Variants in PIK3C2A observed in about 807,000 individuals in gnomAD.
PIK3C2A encodes phosphatidylinositol 4-phosphate 3-kinase C2 domain-containing subunit alpha.
A neutral mutation model predicts 204.5 loss-of-function variants in PIK3C2A; 97 were observed. The ratio of observed to expected loss-of-function variants is 0.47; its 90% CI spans 0.40 to 0.56. PIK3C2A has a LOEUF of 0.56. Ranked by LOEUF, PIK3C2A falls within the 20% of genes least tolerant of loss-of-function variation. The pLI, the probability that PIK3C2A is intolerant of heterozygous loss-of-function variation, is 0.00. For synonymous variants in PIK3C2A, 653 were observed against 664.4 expected (o/e 0.98, Z 0.26); for missense variants, 1,735 against 1,969.2 (o/e 0.88, Z 2.25).
At chr11:17,155,174 A>T (rs540746624) in intron 3 of PIK3C2A, among the ~76,000 whole-genome samples, 1 of 152,334 alleles carries the variant, frequency 6.6e-6, no homozygotes, top group South Asian at 2.1e-4. Flanking sequence ...AATATGTTGA[A>T]CAGTATTTTG....
chr11:17,104,018 T>A (rs1848724809), intron 23 of PIK3C2A, among the ~76,000 whole-genome samples: 2 of 152,092 alleles, frequency 1.3e-5, no homozygotes, highest in African/African-American at 4.8e-5. Context: ...AGGTCAAAAT[T>A]CCCCTGCATT....
At chr11:17,103,254 A>G (rs763931823) in intron 23 of PIK3C2A, among the ~76,000 whole-genome samples, 8 of 151,958 alleles carry the variant, frequency 5.3e-5, no homozygotes, top group Non-Finnish European at 7.4e-5. Flanking sequence ...GTGTAAGGAA[A>G]ATCAGCTTAT....
chr11:17,114,279 T>G, intron 20 of PIK3C2A, 82 bp downstream of exon 20: 1 of 727,062 alleles, frequency 1.4e-6, no homozygotes. Context: ...TTACCTTCAT[T>G]TGCCTTAAGC....
At position 17,117,620 on chromosome 11, in the gene PIK3C2A, A is replaced by T. The variant is rs749590065; in HGVS notation, c.3087T>A (p.His1029Gln). ...CTACTGACAGGAGAGCACCCAAAAC[A>T]TGTTCGTATCGGGTACTAAACTGTA... Reference protein sequence around the residue: ...HDVQFSTRYEHVLGALLSVGG... With the variant: ...HDVQFSTRYEQVLGALLSVGG... The change falls in exon 19 of 33, where the codon CAT becomes CAA. Residue 1029 changes from histidine (H) to glutamine (Q), a missense_variant. By Grantham distance (24) the His-to-Gln change is conservative (BLOSUM62 0). Transcript: ENST00000691414. The T allele has an allele frequency of 1.2e-6, 2 of 1,612,244 alleles. No homozygotes were observed. Among genetic ancestry groups the T allele is most frequent in the South Asian group, 2.2e-5 (2 of 91,058 alleles).
intron 26 of PIK3C2A, among the ~76,000 whole-genome samples, chr11:17,099,651 C>T (rs61763083): frequency 1.3e-5 from 2 of 152,104 alleles, no homozygotes; most frequent in East Asian, 3.9e-4. Flanking sequence ...TATTTTGAGG[C>T]AAATAAGTAT....
chr11:17,088,911 G>C lies in PIK3C2A; in HGVS notation c.*827C>G, dbSNP rs1484656926. The C allele has an allele frequency of 6.6e-6, 1 of 152,198 alleles. No individual in the cohort carries two copies. Among genetic ancestry groups the C allele is most frequent in the Non-Finnish European group, 1.5e-5 (1 of 68,042 alleles). The allele number at this position is 152,198 out of a possible 1,614,324, so 9.4% of individuals were successfully genotyped here. On this transcript the variant is annotated 3_prime_UTR_variant, in exon 33 of 33. Coordinates refer to ENST00000691414, the MANE Select transcript of PIK3C2A (RefSeq NM_002645.4). ...TAGAATTTATTGTACAATCACATTG[G>C]TGAGTCTTATTCAGGTATTAGGCTT...
At chr11:17,181,868 G>T (rs545707611) in intron 1 of PIK3C2A, among the ~76,000 whole-genome samples, 172 of 151,890 alleles carry the variant, frequency 1.1e-3, no homozygotes, top group African/African-American at 4.0e-3. Context: ...AAGGCGGGTG[G>T]ATCACTTGAG....
intron 19 of PIK3C2A, chr11:17,115,741 A>G (rs891852029): frequency 1.3e-5 from 2 of 152,120 alleles, no homozygotes; most frequent in Non-Finnish European, 2.9e-5. Context: ...CAATTTTAGT[A>G]TATGTGTTAC....
intron 19 of PIK3C2A, among the ~76,000 whole-genome samples, chr11:17,116,800 A>G (rs1849209690): frequency 6.6e-6 from 1 of 152,054 alleles, no homozygotes; most frequent in African/African-American, 2.4e-5. Flanking sequence ...CATGTTAACC[A>G]GGATGGTCTC....
At position 17,147,525 on chromosome 11, in the gene PIK3C2A, C is replaced by G; in HGVS notation, c.1552G>C (p.Ala518Pro). ...ATGAGGTACACACTTACTGTTCGGG[C>G]CAGATTTTGACACATTGCACTGAAG... ...LTFSAMCQNLARTAEDDETPV... is the reference protein window; with the variant it reads ...LTFSAMCQNLPRTAEDDETPV... Residue 518 changes from alanine (A) to proline (P), a missense_variant, in exon 6 of 33, where the codon GCC becomes CCC. Around this residue, in one of 6 missense-constraint regions of PIK3C2A, gnomAD observed 106 missense variants for 108.2 expected, o/e 0.98. Transcript: ENST00000691414. The G allele has an allele frequency of 1.3e-6, 2 of 1,591,202 alleles. No homozygotes were observed. The highest frequency in any genetic ancestry group is 2.7e-5 in the African/African-American group (2 of 74,606).
At chr11:17,117,445 T>C in intron 19 of PIK3C2A, 46 bp downstream of exon 19, 1 of 1,347,846 alleles carries the variant, frequency 7.4e-7, no homozygotes. Context: ...ATAAAGATCC[T>C]TCCTTTAACA....
intron 1 of PIK3C2A, among the ~76,000 whole-genome samples, chr11:17,176,831 G>A (rs1851355011): frequency 6.6e-6 from 1 of 152,040 alleles, no homozygotes; most frequent in Non-Finnish European, 1.5e-5. Flanking sequence ...AATTATGACT[G>A]CAGTCAACCA....
chr11:17,205,163 T>C (rs1470104839), intron 1 of PIK3C2A, among the ~76,000 whole-genome samples: 3 of 148,422 alleles, frequency 2.0e-5, no homozygotes, highest in Non-Finnish European at 4.5e-5. Context: ...GGTGACGGAG[T>C]GAGACTGTCT....
intron 13 of PIK3C2A, among the ~76,000 whole-genome samples, chr11:17,124,838 G>T (rs936207913): frequency 2.6e-5 from 4 of 152,070 alleles, no homozygotes; most frequent in African/African-American, 9.7e-5. Context: ...CAGGCCTTTT[G>T]TTCTGTAGAA....
Position 17,094,244 on chromosome 11 carries a change from C to G in PIK3C2A, c.4451+17G>C. The G allele has an allele frequency of 3.8e-6, 6 of 1,585,530 alleles. No homozygotes were observed. The highest frequency in any genetic ancestry group is 4.3e-6 in the Non-Finnish European group (5 of 1,160,622). ...GTTTCCTACAAAAAGGATTAATGTA[C>G]AAGGATGAATACATACCCTGGTAAC... On this transcript the variant is annotated intron_variant, in intron 28 of 32. Coordinates refer to ENST00000691414, the MANE Select transcript of PIK3C2A (RefSeq NM_002645.4).
intron 22 of PIK3C2A, among the ~76,000 whole-genome samples, chr11:17,105,593 G>A (rs533458001): frequency 2.1e-4 from 32 of 152,148 alleles, no homozygotes; most frequent in South Asian, 8.3e-4. Context: ...TCCCCTCCCT[G>A]TGTCCACGTG....
intron 1 of PIK3C2A, among the ~76,000 whole-genome samples, chr11:17,177,188 GTTATT>G (rs917176649): frequency 6.6e-5 from 10 of 152,188 alleles, no homozygotes; most frequent in Admixed American, 3.3e-4. Context: ...CAATCATAAG[GTTATT>G]TTATTTTAAT....
intron 24 of PIK3C2A, 75 bp from the exon 25 acceptor site, chr11:17,101,509 A>G: frequency 1.3e-6 from 1 of 755,744 alleles, no homozygotes; most frequent in Non-Finnish European, 2.0e-6. Context: ...TGATTATTAA[A>G]CTAAGCTATC....
intron 1 of PIK3C2A, among the ~76,000 whole-genome samples, chr11:17,191,556 T>A (rs1216647212): frequency 6.6e-6 from 1 of 152,338 alleles, no homozygotes; most frequent in South Asian, 2.1e-4. Flanking sequence ...TGAGACCCTC[T>A]TGAACTTGGT....
Sources: allele counts gnomAD v4.1 joint callset (sites outside exome capture counted in the v4.1 genomes callset), GRCh38; gene constraint gnomAD v4.1.1; regional missense constraint gnomAD v4.1.1; transcripts MANE v1.5; gene names NCBI Gene and HGNC (gene_info 2026-07-23, HGNC 2026-07-21).